Variants in FBLN2 observed in about 807,000 individuals in gnomAD.
FBLN2 encodes the protein fibulin-2.
A neutral mutation model predicts 123.7 loss-of-function variants in FBLN2; 81 were observed. That is an observed-to-expected ratio of 0.65 (90% CI 0.55 to 0.79). The LOEUF (loss-of-function observed/expected upper bound fraction) is 0.79, where lower values mean the gene tolerates loss of function less well. Among genes scored for constraint, FBLN2 ranks in the 30% least tolerant of loss-of-function variants. The pLI is 0.00. For synonymous variants in FBLN2, 699 were observed against 701.4 expected, an observed-to-expected ratio of 1.00 and a Z score of 0.05; for missense variants, 1,603 against 1,681.3, an observed-to-expected ratio of 0.95 and a Z score of 0.81.
At chr3:13,602,575 G>A (rs1404683297) in intron 2 of FBLN2, among the ~76,000 whole-genome samples, 1 of 152,146 alleles carries the variant, frequency 6.6e-6, no homozygotes, top group Admixed American at 6.5e-5. Context: ...TAAAGTGTAT[G>A]TTATACCCAT....
chr3:13,627,885 C>T lies in FBLN2; in HGVS notation c.2485C>T (p.Gln829Ter). ...CACCTGCCAGCCGGGCTTCTTGTGC[C>T]AGAACACCAAGGGCTCCTTCTACTG... is the stretch of plus-strand genomic sequence containing the variant. The part of the protein sequence containing the change: ...THTCQPGFLC[Q>*]NTKGSFYCQA... The change falls in exon 11 of 18, where the codon CAG becomes TAG. Residue 829 changes from glutamine to a stop codon, truncating the protein, a stop_gained. Coordinates refer to ENST00000404922, the MANE Select transcript of FBLN2 (RefSeq NM_001004019.2). LOFTEE classifies it high-confidence loss of function. 1 of 1,613,842 alleles carries T rather than the reference C, an allele frequency of 6.2e-7. No homozygotes were observed.
At chr3:13,571,981 C>T (rs1703978537) in intron 2 of FBLN2, among the ~76,000 whole-genome samples, 1 of 152,186 alleles carries the variant, frequency 6.6e-6, no homozygotes, top group African/African-American at 2.4e-5. Flanking sequence ...AGGAGGGTTC[C>T]TGCCTCAGCC....
rs1706046216 is a variant in FBLN2 at position 13,626,535 on chromosome 3, T to C, written c.2387T>C (p.Leu796Pro). ...GGCTCCTTCCACTGCTACAAGGCAC[T>C]CACCTGTGAGCCAGGCTATGCCCTC... ...TLGSFHCYKA[L>P]TCEPGYALKD... The change falls in exon 10 of 18, where the codon CTC (leucine) becomes CCC (proline). Residue 796 changes from leucine (L) to proline (P), a missense_variant. Transcript: ENST00000404922. 6.4e-7 allele frequency: 1 copy of C among 1,555,768 alleles called. No individual in the cohort carries two copies. Among genetic ancestry groups the C allele is most frequent in the Non-Finnish European group, 8.7e-7 (1 of 1,149,556 alleles).
intron 13 of FBLN2, 144 bp downstream of exon 13, chr3:13,629,436 CTCA>C: frequency 8.6e-7 from 1 of 1,162,764 alleles, no homozygotes; most frequent in South Asian, 1.6e-5. Context: ...TCCAGCTGGC[CTCA>C]TCCTCCTGCT....
Position 13,570,494 on chromosome 3 carries a change from G to T in FBLN2, c.139G>T (p.Glu47Ter). ...CCCGCCGCTGGAGAACTGCATTGAG[G>T]AGGCGCTGGAGCCGGGTGCCTGCTG... is the stretch of plus-strand genomic sequence containing the variant. ...ECPPLENCIEEALEPGACCAT... is the reference protein window; with the variant it reads ...ECPPLENCIE Residue 47 changes from glutamate (E) to a stop codon, truncating the protein, a stop_gained, in exon 2 of 18, where the codon GAG (glutamate) becomes TAG (stop). Coordinates refer to ENST00000404922, the MANE Select transcript of FBLN2 (RefSeq NM_001004019.2). LOFTEE classifies it high-confidence loss of function. 6.3e-7 allele frequency: 1 copy of T among 1,584,784 alleles called. No individual in the cohort carries two copies.
intron 2 of FBLN2, among the ~76,000 whole-genome samples, chr3:13,600,042 A>C (rs866440265): frequency 0.035 from 4,920 of 142,538 alleles, 104 homozygotes; most frequent in Non-Finnish European, 0.048. Context: ...AGAGAGAGAG[A>C]GAGCGAGAGA....
chr3:13,607,985 A>T (rs545071339), intron 2 of FBLN2, 77 bp from the exon 3 acceptor site: 1 of 1,151,514 alleles, frequency 8.7e-7, no homozygotes, highest in Non-Finnish European at 1.3e-6. Context: ...AGTAAAGGAG[A>T]CCTGGACAGG....
chr3:13,618,375 C>T, intron 6 of FBLN2, 90 bp downstream of exon 6: 1 of 1,203,074 alleles, frequency 8.3e-7, no homozygotes, highest in African/African-American at 1.5e-5. Flanking sequence ...CTGTGGGGTC[C>T]TTCACTTCCT....
In FBLN2 at chr3:13,609,489, G is replaced by A. The variant is rs1376551500; in HGVS notation, c.1419-24G>A. 6 of 1,525,918 alleles carry A rather than the reference G, an allele frequency of 3.9e-6. No homozygotes were observed. The Admixed American group carries it at 6.5e-5, about 16-fold the overall frequency. The allele number at this position is 1,525,918 out of a possible 1,614,324, so 94.5% of individuals were successfully genotyped here. The stretch of plus-strand genomic sequence containing the variant: ...GGGAGGATGAGGTGGGCGACTGGGG[G>A]CTAAGTTACCCCCTCTGTTTCAGGA... On this transcript the variant is annotated intron_variant, in intron 3 of 17. Coordinates refer to ENST00000404922, the MANE Select transcript of FBLN2 (RefSeq NM_001004019.2).
intron 2 of FBLN2, among the ~76,000 whole-genome samples, chr3:13,583,269 C>A (rs1266436415): frequency 6.6e-6 from 1 of 152,258 alleles, no homozygotes; most frequent in African/African-American, 2.4e-5. Context: ...AATCACTGGA[C>A]GCGTATCAGT....
Position 13,629,715 on chromosome 3 carries a change from T to A in FBLN2, c.2843-105T>A, listed in dbSNP as rs971417998. The stretch of plus-strand genomic sequence containing the variant: ...GCCTCTCCCTGTCTTTCCTTCTGGG[T>A]CCCTCTCCCACTTAGCCTCCCCTTC... On this transcript the variant is annotated intron_variant, in intron 13 of 17. Transcript: ENST00000404922. The A allele has an allele frequency of 2.1e-6, 3 of 1,428,150 alleles. No homozygotes were observed. In the African/African-American group the frequency reaches 4.3e-5, roughly 21 times the overall value. 88.5% of individuals were successfully genotyped at this position (1,428,150 alleles called of 1,614,324 possible). A position where few individuals can be genotyped will look rare whatever the true frequency, so the allele number is the denominator to read the frequency against.
intron 2 of FBLN2, among the ~76,000 whole-genome samples, chr3:13,600,402 G>A (rs1193568494): frequency 6.6e-6 from 1 of 151,834 alleles, no homozygotes; most frequent in African/African-American, 2.4e-5. Context: ...GGGAATCCTG[G>A]CACCTGATCA....
chr3:13,564,999 G>A (rs576859501), intron 1 of FBLN2, among the ~76,000 whole-genome samples: 2 of 152,256 alleles, frequency 1.3e-5, no homozygotes, highest in Non-Finnish European at 2.9e-5. Flanking sequence ...CTGATGTGCC[G>A]GAGCCCTCCC....
At chr3:13,563,140 T>G (rs1310280995) in intron 1 of FBLN2, among the ~76,000 whole-genome samples, 1 of 152,248 alleles carries the variant, frequency 6.6e-6, no homozygotes. Flanking sequence ...TCAGGTGGTC[T>G]CAGGCCCACT....
intron 12 of FBLN2, 45 bp downstream of exon 12, chr3:13,629,093 G>A (rs773518471): frequency 1.2e-5 from 20 of 1,612,642 alleles, no homozygotes; most frequent in African/African-American, 8.0e-5. Flanking sequence ...CGGCCTGCCC[G>A]CTTCCCCACC....
At chr3:13,572,211 C>G (rs1027445463) in intron 2 of FBLN2, among the ~76,000 whole-genome samples, 1 of 152,228 alleles carries the variant, frequency 6.6e-6, no homozygotes, top group African/African-American at 2.4e-5. Flanking sequence ...GAAGTGAACT[C>G]GTGGACAGAG....
chr3:13,627,404 C>T (rs904108996), intron 10 of FBLN2, among the ~76,000 whole-genome samples: 1 of 152,168 alleles, frequency 6.6e-6, no homozygotes, highest in Non-Finnish European at 1.5e-5. Flanking sequence ...GATATCCCCA[C>T]TTCCGCCCCC....
intron 2 of FBLN2, among the ~76,000 whole-genome samples, chr3:13,574,739 C>T (rs1259701981): frequency 6.6e-6 from 1 of 152,200 alleles, no homozygotes; most frequent in Non-Finnish European, 1.5e-5. Flanking sequence ...CCCAGCTTCT[C>T]CTCACCAAGG....
rs1706137665 is a variant in FBLN2, at chr3:13,628,763, G to A, written c.2570-142G>A. Reference sequence around the variant, plus strand: ...TATCCCTTGGGTAGTGGGGCACAGGGGTAGGACAGTCTGGCCCTGCAACTC... The same window carrying A: ...TATCCCTTGGGTAGTGGGGCACAGGAGTAGGACAGTCTGGCCCTGCAACTC... On this transcript the variant is annotated intron_variant, in intron 11 of 17. Transcript: ENST00000404922. 6 of 956,658 alleles carry A rather than the reference G, an allele frequency of 6.3e-6. No individual in the cohort carries two copies. In the South Asian group the frequency reaches 1.0e-4, roughly 16 times the overall value. 59.3% of individuals were successfully genotyped at this position (956,658 alleles called of 1,614,324 possible).
Sources: gnomAD v4.1 joint callset for allele counts (sites outside exome capture counted in the v4.1 genomes callset) on GRCh38, gnomAD v4.1.1 for gene constraint, MANE v1.5 for transcripts, NCBI Gene and HGNC (gene_info 2026-07-23, HGNC 2026-07-21) for gene names.